The following SERGEF variants were observed in gnomAD, a reference collection of about 807,000 sequenced individuals.
The protein encoded by SERGEF is secretion-regulating guanine nucleotide exchange factor.
A neutral mutation model predicts 50.0 loss-of-function variants in SERGEF; 51 were observed. That is an observed-to-expected ratio of 1.02 (90% CI 0.81 to 1.29). SERGEF has a LOEUF of 1.29. Ranked by LOEUF, SERGEF falls within the 50% of genes most tolerant of loss-of-function variation. The pLI is 0.00. For missense variants in SERGEF, 521 were observed against 557.0 expected, an observed-to-expected ratio of 0.94 and a Z score of 0.65; for synonymous variants, 205 against 212.4, an observed-to-expected ratio of 0.97 and a Z score of 0.30.
intron 8 of SERGEF, among the ~76,000 whole-genome samples, chr11:17,973,075 G>A (rs539181706): frequency 3.3e-5 from 5 of 151,988 alleles, no homozygotes; most frequent in Admixed American, 2.6e-4. Context: ...CACTGATGAC[G>A]ATGACTCACA....
rs771758666 is a variant in SERGEF at position 18,008,164 on chromosome 11, G to A, written c.61-88C>T. 295 of 1,340,910 alleles carry A rather than the reference G, an allele frequency of 2.2e-4. 2 individuals are homozygous for A. The highest frequency in any genetic ancestry group is 2.0e-3 in the South Asian group (138 of 69,206). The allele number at this position is 1,340,910 out of a possible 1,614,324, so 83.1% of individuals were successfully genotyped here. A position where few individuals can be genotyped will look rare whatever the true frequency, so the allele number is the denominator to read the frequency against. On this transcript the variant is annotated intron_variant, in intron 1 of 10. Transcript: ENST00000265965. The stretch of plus-strand genomic sequence containing the variant: ...CTGTCTCTGTCTCTCTCACCCTGAC[G>A]TATCTCTCAGACCCTGTAACAGATG...
intron 9 of SERGEF, among the ~76,000 whole-genome samples, chr11:17,893,129 G>T (rs1450041768): frequency 1.3e-5 from 2 of 152,194 alleles, no homozygotes; most frequent in Admixed American, 1.3e-4. Flanking sequence ...TACCAGGCCA[G>T]TTCCTGGATG....
intron 10 of SERGEF, among the ~76,000 whole-genome samples, chr11:17,813,942 C>G (rs867067289): frequency 6.6e-6 from 1 of 152,204 alleles, no homozygotes; most frequent in Non-Finnish European, 1.5e-5. Flanking sequence ...AGAAGCAGAT[C>G]TGAGAGAGAC....
chr11:17,894,296 GA>G (rs1851583677), intron 9 of SERGEF, among the ~76,000 whole-genome samples: 1 of 152,144 alleles, frequency 6.6e-6, no homozygotes, highest in African/African-American at 2.4e-5. Flanking sequence ...AGGAGAAGAA[GA>G]AAAGGAAAAG....
intron 9 of SERGEF, among the ~76,000 whole-genome samples, chr11:17,909,474 G>A (rs1187923368): frequency 6.6e-6 from 1 of 152,196 alleles, no homozygotes; most frequent in Non-Finnish European, 1.5e-5. Flanking sequence ...CTGCTGGAAA[G>A]GTCAATGCTT....
At chr11:17,896,354 A>G (rs1028156427) in intron 9 of SERGEF, among the ~76,000 whole-genome samples, 1 of 152,126 alleles carries the variant, frequency 6.6e-6, no homozygotes, top group Non-Finnish European at 1.5e-5. Flanking sequence ...GTATACGTAC[A>G]TAAGGAAACC....
At chr11:17,824,490 T>G (rs1431365487) in intron 10 of SERGEF, among the ~76,000 whole-genome samples, 1 of 152,168 alleles carries the variant, frequency 6.6e-6, no homozygotes, top group Non-Finnish European at 1.5e-5. Flanking sequence ...TGGGGGGATA[T>G]CATCAGACCT....
chr11:17,900,992 G>A (rs1009152169), intron 9 of SERGEF, among the ~76,000 whole-genome samples: 1 of 152,110 alleles, frequency 6.6e-6, no homozygotes, highest in African/African-American at 2.4e-5. Flanking sequence ...TAAAATTCAA[G>A]CTGCACAAAA....
Position 17,794,395 on chromosome 11 carries a change from T to C in SERGEF, c.1049-5982A>G, listed in dbSNP as rs373013466. ...GGTGCTTCTCAGTTTCATAAAAATGTCACCTTAATTTCCACGGCAACCCTC... is the reference window on the plus strand; with the variant it reads ...GGTGCTTCTCAGTTTCATAAAAATGCCACCTTAATTTCCACGGCAACCCTC... On this transcript the variant is annotated intron_variant, in intron 10 of 10. Transcript: ENST00000265965. Among the ~76,000 whole-genome samples, 66 of 152,278 alleles carry C rather than the reference T, an allele frequency of 4.3e-4. 1 individual carries two copies. Among genetic ancestry groups the C allele is most frequent in the Admixed American group, 1.6e-3 (25 of 15,298 alleles).
chr11:17,951,007 T>C (rs551574614), intron 9 of SERGEF, among the ~76,000 whole-genome samples: 1 of 152,308 alleles, frequency 6.6e-6, no homozygotes, highest in South Asian at 2.1e-4. Flanking sequence ...GATGGCTGCC[T>C]CAACAGGAAT....
intron 9 of SERGEF, among the ~76,000 whole-genome samples, chr11:17,944,969 T>C (rs1852630816): frequency 6.6e-6 from 1 of 152,210 alleles, no homozygotes; most frequent in South Asian, 2.1e-4. Flanking sequence ...CTCTCTATTC[T>C]ATGCTTGCCA....
chr11:17,999,625 G>T (rs1853916745), intron 5 of SERGEF: 1 of 452,548 alleles, frequency 2.2e-6, no homozygotes, highest in African/African-American at 2.0e-5. Flanking sequence ...AGAGATAAAA[G>T]GGTCACCATT....
At chr11:17,994,572 C>T (rs1773763580) in intron 6 of SERGEF, among the ~76,000 whole-genome samples, 1 of 151,100 alleles carries the variant, frequency 6.6e-6, no homozygotes, top group Non-Finnish European at 1.5e-5. Context: ...TTCCCATAAG[C>T]ACAGAGAAAT....
chr11:17,867,606 A>C (rs896885032), intron 10 of SERGEF, among the ~76,000 whole-genome samples: 1 of 152,138 alleles, frequency 6.6e-6, no homozygotes, highest in Non-Finnish European at 1.5e-5. Context: ...TCACCGCTCC[A>C]CTAGGCAGTG....
chr11:17,924,133 T>C (rs969005545), intron 9 of SERGEF, among the ~76,000 whole-genome samples: 1 of 152,220 alleles, frequency 6.6e-6, no homozygotes, highest in African/African-American at 2.4e-5. Flanking sequence ...AAGGGTTAGC[T>C]AGTGAATGAA....
chr11:17,890,760 T>A (rs1286720181), intron 9 of SERGEF, among the ~76,000 whole-genome samples: 1 of 152,150 alleles, frequency 6.6e-6, no homozygotes, highest in Non-Finnish European at 1.5e-5. Flanking sequence ...ACTAAAAAAT[T>A]ATTCTTGGAG....
At chr11:17,962,899 C>T (rs1001021001) in intron 8 of SERGEF, among the ~76,000 whole-genome samples, 2 of 151,838 alleles carry the variant, frequency 1.3e-5, no homozygotes, top group East Asian at 1.9e-4. Flanking sequence ...AATCAAAAGG[C>T]GGCCAGGCAC....
chr11:17,883,847 C>T (rs1851379283), intron 9 of SERGEF, among the ~76,000 whole-genome samples: 1 of 152,174 alleles, frequency 6.6e-6, no homozygotes, highest in South Asian at 2.1e-4. Context: ...GGAACGGCTG[C>T]AAAGTGGCAA....
chr11:17,927,620 TCA>T, intron 9 of SERGEF, among the ~76,000 whole-genome samples: 1 of 152,316 alleles, frequency 6.6e-6, no homozygotes, highest in Admixed American at 6.5e-5. Flanking sequence ...CTTTGTAAAG[TCA>T]CAGTCTCAGA....
Sources: allele counts gnomAD v4.1 joint callset (sites outside exome capture counted in the v4.1 genomes callset), GRCh38; gene constraint gnomAD v4.1.1; transcripts MANE v1.5; gene names NCBI Gene and HGNC (gene_info 2026-07-23, HGNC 2026-07-21).